PLEKHG7: variants seen among roughly 807,000 people sequenced by gnomAD.
PLEKHG7 encodes pleckstrin homology and RhoGEF domain containing G7.
In PLEKHG7, 77 loss-of-function variants were observed where a neutral mutation model predicts 85.2. The ratio of observed to expected loss-of-function variants is 0.90; its 90% CI spans 0.75 to 1.09. The LOEUF (loss-of-function observed/expected upper bound fraction) is 1.09, where lower values mean the gene tolerates loss of function less well. Among genes scored for constraint, PLEKHG7 ranks in the 50% least tolerant of loss-of-function variants. The pLI is 0.00. For missense variants in PLEKHG7, 777 were observed against 804.3 expected (o/e 0.97, Z 0.41); for synonymous variants, 301 against 302.4 (o/e 1.00, Z 0.05).
Position 92,706,530 on chromosome 12 carries a change from T to C in PLEKHG7, c.-102T>C. 7.2e-7 allele frequency: 1 copy of C among 1,384,554 alleles called. No individual in the cohort carries two copies. Among genetic ancestry groups the C allele is most frequent in the Admixed American group, 2.3e-5 (1 of 43,150 alleles). 85.8% of individuals were successfully genotyped at this position (1,384,554 alleles called of 1,614,324 possible). ...AGGAAAAGAACTACGAGAGGAAGCA[T>C]GGCACTTGGATGCAGAAATTGAGCA... On this transcript the variant is annotated 5_prime_UTR_variant, in exon 2 of 17. It removes an upstream start codon present in the reference 5' UTR. Transcript: ENST00000344636.
At chr12:92,718,561 G>T (rs1430625362) in intron 3 of PLEKHG7, among the ~76,000 whole-genome samples, 1 of 152,226 alleles carries the variant, frequency 6.6e-6, no homozygotes, top group African/African-American at 2.4e-5. Flanking sequence ...TTGGTAGTTG[G>T]GTTTGGACAT....
chr12:92,716,119 C>T (rs1404485735), intron 3 of PLEKHG7, among the ~76,000 whole-genome samples: 1 of 150,088 alleles, frequency 6.7e-6, no homozygotes, highest in Non-Finnish European at 1.5e-5. Context: ...TTTTTTGAGA[C>T]AGAGTCTTGC....
At chr12:92,762,123 A>C (rs778413016) in intron 14 of PLEKHG7, among the ~76,000 whole-genome samples, 1 of 152,216 alleles carries the variant, frequency 6.6e-6, no homozygotes, top group Non-Finnish European at 1.5e-5. Context: ...GCTAAGTCCC[A>C]GAAGCCACAG....
intron 10 of PLEKHG7, among the ~76,000 whole-genome samples, chr12:92,751,172 G>C (rs1043323175): frequency 1.3e-5 from 2 of 152,180 alleles, no homozygotes; most frequent in Non-Finnish European, 2.9e-5. Context: ...TGAACATCGG[G>C]TTCAGACAGG....
intron 5 of PLEKHG7, 134 bp downstream of exon 5, chr12:92,732,407 T>C: frequency 6.0e-6 from 3 of 502,528 alleles, no homozygotes; most frequent in Non-Finnish European, 9.3e-6. Context: ...ATAAATGATA[T>C]CATCACATCC....
chr12:92,705,301 T>C (rs1871201294), intron 1 of PLEKHG7, among the ~76,000 whole-genome samples: 1 of 152,182 alleles, frequency 6.6e-6, no homozygotes, highest in Non-Finnish European at 1.5e-5. Flanking sequence ...GTCAACAGAA[T>C]GAGGTCAGGT....
Position 92,772,232 on chromosome 12 carries a change from C to T in PLEKHG7, c.*2037C>T, listed in dbSNP as rs1251495605. On this transcript the variant is annotated 3_prime_UTR_variant, in exon 17 of 17. Transcript: ENST00000344636. ...GTCATCTGGGTATTAAATGCAGACA[C>T]ACAATGAAATAAGGGGTTAATTACA... The T allele has an allele frequency of 6.6e-6, 1 of 151,770 alleles. No individual in the cohort carries two copies. The highest frequency in any genetic ancestry group is 1.9e-4 in the East Asian group (1 of 5,186). 9.4% of individuals were successfully genotyped at this position (151,770 alleles called of 1,614,324 possible). A position where few individuals can be genotyped will look rare whatever the true frequency, so the allele number is the denominator to read the frequency against.
At position 92,750,019 on chromosome 12, in the gene PLEKHG7, TTTATTTTA is replaced by T. The variant is rs1264272159; in HGVS notation, c.1252-4060_1252-4053del. On this transcript the variant is annotated intron_variant, in intron 10 of 16. Transcript: ENST00000344636. ...ATTTTATTATTTTATTTTATTTTAT[TTTATTTTA>T]TTATTTTATTTTATTATTTTGGAAC... Among the ~76,000 whole-genome samples, 25 of 145,798 alleles carry T rather than the reference TTTATTTTA, an allele frequency of 1.7e-4. No individual in the cohort carries two copies. The East Asian group carries it at 3.2e-3, about 19-fold the overall frequency.
At position 92,761,535 on chromosome 12, in the gene PLEKHG7, TAA is replaced by T. The variant is rs199792201; in HGVS notation, c.1637-210_1637-209del. ...TTTGTTTTCTAAGGAATTCATTGAT[TAA>T]AAAAAAGAGAGAAAGAAAGAAAGAA... On this transcript the variant is annotated intron_variant, in intron 13 of 16. Coordinates refer to ENST00000344636, the MANE Select transcript of PLEKHG7 (RefSeq NM_001377329.1). Among the ~76,000 whole-genome samples the T allele has an allele frequency of 4.7e-4, 32 of 68,520 alleles. 1 individual carries two copies. In the East Asian group the frequency reaches 0.031, roughly 67 times the overall value. 45.0% of individuals were successfully genotyped at this position (68,520 alleles called of 152,430 possible). A position where few individuals can be genotyped will look rare whatever the true frequency, so the allele number is the denominator to read the frequency against.
At position 92,755,871 on chromosome 12, in the gene PLEKHG7, T is replaced by C. The variant is rs1592686727; in HGVS notation, c.1473T>C (p.Phe491=). ...KVKWLDNFQK[F]RYLQEIIVWP... Reference sequence around the variant, plus strand: ...AGTGGCTGGACAATTTCCAAAAATTTAGATATCTACAGGAGATTATAGTGT... The same window carrying C: ...AGTGGCTGGACAATTTCCAAAAATTCAGATATCTACAGGAGATTATAGTGT... The change falls in exon 12 of 17, where the codon TTT becomes TTC. Residue 491 remains phenylalanine, a synonymous_variant. Coordinates refer to ENST00000344636, the MANE Select transcript of PLEKHG7 (RefSeq NM_001377329.1). 1.2e-6 allele frequency: 2 copies of C among 1,613,822 alleles called. No individual in the cohort carries two copies. The highest frequency in any genetic ancestry group is 1.7e-6 in the Non-Finnish European group (2 of 1,179,870).
intron 3 of PLEKHG7, among the ~76,000 whole-genome samples, chr12:92,727,906 T>G (rs1381585975): frequency 6.6e-6 from 1 of 150,756 alleles, no homozygotes; most frequent in Non-Finnish European, 1.5e-5. Context: ...CATGCTTTTT[T>G]ATGGCTGCAT....
intron 3 of PLEKHG7, among the ~76,000 whole-genome samples, chr12:92,711,239 T>C (rs763344860): frequency 3.3e-5 from 5 of 152,094 alleles, no homozygotes; most frequent in South Asian, 4.2e-4. Context: ...CACTTTTGGG[T>C]GGTGCCTGCA....
intron 1 of PLEKHG7, among the ~76,000 whole-genome samples, chr12:92,704,275 AAAAG>A (rs545235153): frequency 3.9e-4 from 59 of 152,276 alleles, no homozygotes; most frequent in African/African-American, 1.4e-3. Context: ...AAGAAAAAAA[AAAAG>A]AAAGAAAGTA....
intron 10 of PLEKHG7, among the ~76,000 whole-genome samples, chr12:92,751,279 AG>A (rs1321352372): frequency 6.6e-6 from 1 of 152,152 alleles, no homozygotes; most frequent in African/African-American, 2.4e-5. Context: ...CAGAGAGAGA[AG>A]GTGGTCCTTG....
intron 13 of PLEKHG7, among the ~76,000 whole-genome samples, chr12:92,759,386 A>T (rs574249585): frequency 6.6e-6 from 1 of 152,366 alleles, no homozygotes; most frequent in South Asian, 2.1e-4. Flanking sequence ...CATTGAGCTG[A>T]CGCATACATG....
intron 3 of PLEKHG7, among the ~76,000 whole-genome samples, chr12:92,713,741 A>G (rs1403741534): frequency 6.6e-6 from 1 of 152,078 alleles, no homozygotes; most frequent in Non-Finnish European, 1.5e-5. Context: ...CAATCTCCCT[A>G]AGCCTTTGGA....
chr12:92,756,448 G>T, intron 13 of PLEKHG7, 57 bp downstream of exon 13: 2 of 1,332,682 alleles, frequency 1.5e-6, no homozygotes, highest in South Asian at 2.4e-5. Flanking sequence ...TAACTTGTTT[G>T]ACTGCCAGTA....
intron 14 of PLEKHG7, among the ~76,000 whole-genome samples, chr12:92,763,026 C>CA (rs534857900): frequency 2.6e-4 from 39 of 151,866 alleles, no homozygotes; most frequent in Admixed American, 4.6e-4. Flanking sequence ...CTACCCCCTT[C>CA]AAAAAAAACC....
At position 92,710,538 on chromosome 12, in the gene PLEKHG7, A is replaced by G. The variant is rs542377581; in HGVS notation, c.530+2866A>G. ...CACTGCATACAGGATAGGCAAACCC[A>G]TATTCGGAGTAAGTATCTATCCCAG... On this transcript the variant is annotated intron_variant, in intron 3 of 16. Transcript: ENST00000344636. Among the ~76,000 whole-genome samples the G allele has an allele frequency of 2.6e-4, 39 of 152,310 alleles. 1 individual carries two copies. The Middle Eastern group carries it at 0.02, about 80-fold the overall frequency.
Sources: allele counts gnomAD v4.1 joint callset (sites outside exome capture counted in the v4.1 genomes callset), GRCh38; gene constraint gnomAD v4.1.1; transcripts MANE v1.5; gene names NCBI Gene and HGNC (gene_info 2026-07-23, HGNC 2026-07-21).